Variants in PTPRD observed in about 807,000 individuals in gnomAD.
The protein encoded by PTPRD is protein tyrosine phosphatase receptor type D, also known as receptor-type tyrosine-protein phosphatase delta.
PTPRD carries 34 observed loss-of-function variants against 214.5 expected under a neutral mutation model. The ratio of observed to expected loss-of-function variants is 0.16; its 90% CI spans 0.12 to 0.21. The LOEUF (loss-of-function observed/expected upper bound fraction) is 0.21, where lower values mean the gene tolerates loss of function less well. PTPRD is among the 10% of genes least tolerant of loss of function. The pLI, the probability that PTPRD is intolerant of heterozygous loss-of-function variation, is 1.00. For missense variants in PTPRD, 2,545 were observed against 2,398.7 expected (o/e 1.06, Z -1.27); for synonymous variants, 1,128 against 845.7 (o/e 1.33, Z -5.79).
chr9:9,097,316 G>A (rs921695963), intron 10 of PTPRD, among the ~76,000 whole-genome samples: 8 of 152,082 alleles, frequency 5.3e-5, no homozygotes, highest in African/African-American at 1.9e-4. Flanking sequence ...AAAGGTTTTT[G>A]GGGTACTAAA....
chr9:9,804,470 A>C (rs923768863), intron 5 of PTPRD, among the ~76,000 whole-genome samples: 1 of 152,162 alleles, frequency 6.6e-6, no homozygotes, highest in Non-Finnish European at 1.5e-5. Context: ...TATGAACAAA[A>C]AATTTTATAT....
intron 3 of PTPRD, among the ~76,000 whole-genome samples, chr9:10,086,342 A>G (rs1406153812): frequency 6.6e-6 from 1 of 151,764 alleles, no homozygotes; most frequent in African/African-American, 2.4e-5. Flanking sequence ...AAATTTATCA[A>G]CAGTAGAACA....
intron 11 of PTPRD, among the ~76,000 whole-genome samples, chr9:8,884,544 A>C (rs867827727): frequency 1.1e-4 from 17 of 152,222 alleles, no homozygotes; most frequent in Non-Finnish European, 2.2e-4. Flanking sequence ...CAGAAGAGCA[A>C]CCAGGGAACC....
At chr9:9,844,976 A>G (rs1013394107) in intron 5 of PTPRD, among the ~76,000 whole-genome samples, 13 of 150,120 alleles carry the variant, frequency 8.7e-5, no homozygotes, top group African/African-American at 3.2e-4. Flanking sequence ...GCAAGTTACC[A>G]ACTTTAAATA....
intron 7 of PTPRD, among the ~76,000 whole-genome samples, chr9:9,603,097 T>C (rs774467944): frequency 6.6e-6 from 1 of 152,158 alleles, no homozygotes; most frequent in Non-Finnish European, 1.5e-5. Flanking sequence ...GATAAAATGC[T>C]GCTAATATAT....
At chr9:9,136,135 A>G (rs2099850468) in intron 10 of PTPRD, among the ~76,000 whole-genome samples, 1 of 152,140 alleles carries the variant, frequency 6.6e-6, no homozygotes, top group Admixed American at 6.5e-5. Flanking sequence ...AGCTTTTACA[A>G]CTTCATCAAA....
chr9:9,157,936 A>C (rs1342637772), intron 10 of PTPRD, among the ~76,000 whole-genome samples: 1 of 152,122 alleles, frequency 6.6e-6, no homozygotes, highest in Non-Finnish European at 1.5e-5. Context: ...TGTTCTCATC[A>C]GTCAGCTCCT....
intron 8 of PTPRD, among the ~76,000 whole-genome samples, chr9:9,404,440 A>C (rs2072385004): frequency 6.6e-6 from 1 of 152,008 alleles, no homozygotes; most frequent in Non-Finnish European, 1.5e-5. Flanking sequence ...TTGCCAATGG[A>C]TTAGAGAGTA....
intron 3 of PTPRD, among the ~76,000 whole-genome samples, chr9:10,259,225 C>T (rs1027975274): frequency 6.6e-6 from 1 of 151,948 alleles, no homozygotes; most frequent in Non-Finnish European, 1.5e-5. Context: ...GGGGTTTCAC[C>T]GTGTTAGTCA....
At chr9:10,319,322 TG>T in intron 3 of PTPRD, among the ~76,000 whole-genome samples, 1 of 152,240 alleles carries the variant, frequency 6.6e-6, no homozygotes, top group African/African-American at 2.4e-5. Context: ...TTTCATACTG[TG>T]GTTTACAGTC....
chr9:8,911,038 T>A (rs1405341525), intron 11 of PTPRD, among the ~76,000 whole-genome samples: 2 of 152,222 alleles, frequency 1.3e-5, no homozygotes, highest in Non-Finnish European at 2.9e-5. Context: ...TATCTGTAGA[T>A]TCAACACAAT....
intron 8 of PTPRD, among the ~76,000 whole-genome samples, chr9:9,494,346 A>T (rs878947020): frequency 6.6e-6 from 1 of 152,250 alleles, no homozygotes; most frequent in Admixed American, 6.5e-5. Flanking sequence ...GTAAAATGAT[A>T]TCAAACAGCA....
intron 12 of PTPRD, among the ~76,000 whole-genome samples, chr9:8,720,977 G>C (rs1185548988): frequency 5.3e-5 from 8 of 151,484 alleles, no homozygotes; most frequent in Admixed American, 5.3e-4. Context: ...GTGTGTTTTA[G>C]GTCCTTCCCC....
intron 11 of PTPRD, among the ~76,000 whole-genome samples, chr9:8,770,046 C>T (rs547598055): frequency 2.6e-5 from 4 of 152,072 alleles, no homozygotes; most frequent in African/African-American, 2.4e-5. Context: ...TTTGGGAGGC[C>T]GAGGCCGGTG....
rs371767469 is a variant in PTPRD, at chr9:8,618,866, T to TTGTGTG, written c.352+14445_352+14450dup. 5.3e-3 allele frequency among the ~76,000 whole-genome samples: 696 copies of TTGTGTG among 130,960 alleles called. 4 individuals are homozygous for TTGTGTG. Among genetic ancestry groups the TTGTGTG allele is most frequent in the South Asian group, 0.013 (49 of 3,886 alleles). The allele number at this position is 130,960 out of a possible 152,430, so 85.9% of individuals were successfully genotyped here. A position where few individuals can be genotyped will look rare whatever the true frequency, so the allele number is the denominator to read the frequency against. On this transcript the variant is annotated intron_variant, in intron 14 of 45. Transcript: ENST00000381196. ...TGCATGCCACCACACCCAGCTAATT[T>TTGTGTG]TGTGTGTGTGTGTGTGTGTGTGTGT...
At chr9:8,942,717 C>T (rs2099041298) in intron 11 of PTPRD, among the ~76,000 whole-genome samples, 1 of 151,970 alleles carries the variant, frequency 6.6e-6, no homozygotes, top group Admixed American at 6.6e-5. Context: ...TTGGATGACT[C>T]TGATTTCCTT....
intron 8 of PTPRD, among the ~76,000 whole-genome samples, chr9:9,446,671 T>G (rs1183091327): frequency 6.6e-6 from 1 of 152,150 alleles, no homozygotes. Context: ...AAATGGGATC[T>G]AATTAAACTA....
chr9:9,157,747 C>T (rs549594459), intron 10 of PTPRD, among the ~76,000 whole-genome samples: 5 of 152,212 alleles, frequency 3.3e-5, no homozygotes, highest in Admixed American at 6.5e-5. Flanking sequence ...CTGGTGTACA[C>T]GTCCAGGATG....
chr9:8,706,791 G>A (rs191732856), intron 12 of PTPRD, among the ~76,000 whole-genome samples: 15 of 152,274 alleles, frequency 9.9e-5, no homozygotes, highest in Admixed American at 7.8e-4. Context: ...ATAGCTTGGC[G>A]TCCAGTGTTA....
Sources: allele counts gnomAD v4.1 joint callset (sites outside exome capture counted in the v4.1 genomes callset), GRCh38; gene constraint gnomAD v4.1.1; transcripts MANE v1.5; gene names NCBI Gene and HGNC (gene_info 2026-07-23, HGNC 2026-07-21).